AFG3L2: variants seen among roughly 807,000 people sequenced by gnomAD.
The protein encoded by AFG3L2 is AFG3 like matrix AAA peptidase subunit 2, also known as mitochondrial inner membrane m-AAA protease component AFG3L2.
Under a neutral mutation model 94.5 loss-of-function variants are expected in AFG3L2, and 54 were observed. The ratio of observed to expected loss-of-function variants is 0.57; its 90% CI spans 0.46 to 0.72. The LOEUF (loss-of-function observed/expected upper bound fraction) is 0.72, where lower values mean the gene tolerates loss of function less well. Among genes scored for constraint, AFG3L2 ranks in the 30% least tolerant of loss-of-function variants. AFG3L2 has a pLI of 0.00. For synonymous variants in AFG3L2, 377 were observed against 365.5 expected, an observed-to-expected ratio of 1.03 and a Z score of -0.36; for missense variants, 754 against 994.9, an observed-to-expected ratio of 0.76 and a Z score of 3.26.
intron 15 of AFG3L2, among the ~76,000 whole-genome samples, chr18:12,338,657 C>G (rs1907831912): frequency 6.6e-6 from 1 of 151,962 alleles, no homozygotes; most frequent in South Asian, 2.1e-4. Context: ...AAGAGAGCAG[C>G]AGAACAAATT....
chr18:12,357,974 TAAAATATGA>T (rs1045203210), intron 8 of AFG3L2, among the ~76,000 whole-genome samples: 19 of 151,648 alleles, frequency 1.3e-4, no homozygotes, highest in Admixed American at 1.1e-3. Flanking sequence ...TATAAATTCA[TAAAATATGA>T]CTTTTTATCT....
At chr18:12,371,729 A>G (rs377091717) in intron 1 of AFG3L2, 38 bp from the exon 2 acceptor site, 9 of 1,564,064 alleles carry the variant, frequency 5.8e-6, no homozygotes, top group Non-Finnish European at 7.9e-6. Context: ...TAGTTATATC[A>G]AGATAAAAAA....
At chr18:12,344,805 T>A (rs1402107866) in intron 13 of AFG3L2, among the ~76,000 whole-genome samples, 1 of 152,032 alleles carries the variant, frequency 6.6e-6, no homozygotes, top group Non-Finnish European at 1.5e-5. Context: ...CACTCCCCCA[T>A]CCCCAGGCCT....
At chr18:12,345,109 G>A (rs762578156) in intron 13 of AFG3L2, among the ~76,000 whole-genome samples, 63 of 152,238 alleles carry the variant, frequency 4.1e-4, no homozygotes, top group Admixed American at 1.2e-3. Flanking sequence ...GGTGGAGCCA[G>A]CCAGGCTGAT....
chr18:12,342,694 A>G (rs1294014039), intron 14 of AFG3L2: 1 of 152,098 alleles, frequency 6.6e-6, no homozygotes, highest in African/African-American at 2.4e-5. Context: ...TGTTTCAAAT[A>G]ATTTTTTGCA....
intron 16 of AFG3L2, among the ~76,000 whole-genome samples, chr18:12,332,945 A>ACTATATAATATATG (rs1555670075): frequency 8.9e-6 from 1 of 112,078 alleles, no homozygotes; most frequent in Non-Finnish European, 1.7e-5. Context: ...TATAACATAT[A>ACTATATAATATATG]ATATATTATA....
Position 12,329,412 on chromosome 18 carries a change from G to T in AFG3L2, c.*153C>A. Reference sequence around the variant, plus strand: ...GCCACCCACTGTGACCTCTGAGGCTGAAAGGACTAAGGACTCCTTTCCCCA... The same window carrying T: ...GCCACCCACTGTGACCTCTGAGGCTTAAAGGACTAAGGACTCCTTTCCCCA... On this transcript the variant is annotated 3_prime_UTR_variant, in exon 17 of 17. Coordinates refer to ENST00000269143, the MANE Select transcript of AFG3L2 (RefSeq NM_006796.3). 1 of 836,286 alleles carries T rather than the reference G, an allele frequency of 1.2e-6. No homozygotes were observed. The allele number at this position is 836,286 out of a possible 1,614,324, so 51.8% of individuals were successfully genotyped here.
At chr18:12,346,597 A>G (rs1435995257) in intron 13 of AFG3L2, among the ~76,000 whole-genome samples, 1 of 152,076 alleles carries the variant, frequency 6.6e-6, no homozygotes, top group Non-Finnish European at 1.5e-5. Context: ...AGCCAGATTC[A>G]TTCTCCTAAA....
chr18:12,359,072 G>A, intron 7 of AFG3L2, 129 bp from the exon 8 acceptor site: 1 of 1,342,580 alleles, frequency 7.4e-7, no homozygotes, highest in African/African-American at 1.5e-5. Context: ...ATACAAAGGA[G>A]GGTAACTTGC....
chr18:12,357,907 CTATTATAT>C (rs1168349101), intron 8 of AFG3L2, among the ~76,000 whole-genome samples: 1 of 152,074 alleles, frequency 6.6e-6, no homozygotes, highest in South Asian at 2.1e-4. Context: ...CCCTACACAA[CTATTATAT>C]TAAGTTGTAG....
chr18:12,336,877 A>C (rs1054426416), intron 16 of AFG3L2, among the ~76,000 whole-genome samples: 4 of 152,204 alleles, frequency 2.6e-5, no homozygotes, highest in Non-Finnish European at 4.4e-5. Context: ...TTTCTTGTGG[A>C]AGTTCATGAG....
chr18:12,349,067 C>T (rs1353987601), intron 12 of AFG3L2, among the ~76,000 whole-genome samples: 1 of 152,086 alleles, frequency 6.6e-6, no homozygotes, highest in Non-Finnish European at 1.5e-5. Flanking sequence ...TCAAACTGTT[C>T]TTTTTTTATT....
In AFG3L2 at chr18:12,332,146, C is replaced by CA. The variant is rs1489846159; in HGVS notation, c.2176-2364dup. On this transcript the variant is annotated intron_variant, in intron 16 of 16. Coordinates refer to ENST00000269143, the MANE Select transcript of AFG3L2 (RefSeq NM_006796.3). Reference sequence around the variant, plus strand: ...TGATTTTTTTTTTTTTTTTTTGAGACAGAGTCTTGTTCTGTCACCCAGGCT... The same window carrying CA: ...TGATTTTTTTTTTTTTTTTTTGAGACAAGAGTCTTGTTCTGTCACCCAGGCT... Among the ~76,000 whole-genome samples, 3 of 113,282 alleles carry CA rather than the reference C, an allele frequency of 2.6e-5. No homozygotes were observed. In the South Asian group the frequency reaches 8.7e-4, roughly 33 times the overall value. The allele number at this position is 113,282 out of a possible 152,430, so 74.3% of individuals were successfully genotyped here.
intron 9 of AFG3L2, among the ~76,000 whole-genome samples, chr18:12,355,747 C>T (rs1908474200): frequency 1.3e-5 from 2 of 151,662 alleles, no homozygotes; most frequent in Admixed American, 6.6e-5. Flanking sequence ...CAGCTCACTG[C>T]AAGCTCTGCC....
At chr18:12,337,767 C>T (rs1410204565) in intron 15 of AFG3L2, among the ~76,000 whole-genome samples, 1 of 152,088 alleles carries the variant, frequency 6.6e-6, no homozygotes, top group Non-Finnish European at 1.5e-5. Context: ...ATATTATTAC[C>T]TGATTTCTCT....
chr18:12,344,423 C>A lies in AFG3L2; in HGVS notation c.1664-176G>T, dbSNP rs1908058828. Reference sequence around the variant, plus strand: ...GGCGCAGTGGCTCATGCCTGTAATCCCAGCACTTTGGGAGGCTGAGGTGGT... The same window carrying A: ...GGCGCAGTGGCTCATGCCTGTAATCACAGCACTTTGGGAGGCTGAGGTGGT... On this transcript the variant is annotated intron_variant, in intron 13 of 16. Transcript: ENST00000269143. The A allele has an allele frequency of 6.5e-6, 4 of 618,758 alleles. No homozygotes were observed. The South Asian group carries it at 6.6e-5, about 10-fold the overall frequency. The allele number at this position is 618,758 out of a possible 1,614,324, so 38.3% of individuals were successfully genotyped here.
At position 12,329,186 on chromosome 18, in the gene AFG3L2, A is replaced by C. The variant is rs150224434; in HGVS notation, c.*379T>G. On this transcript the variant is annotated 3_prime_UTR_variant, in exon 17 of 17. Coordinates refer to ENST00000269143, the MANE Select transcript of AFG3L2 (RefSeq NM_006796.3). ...GAACTGAGGAGAAACAGGAATGAAGAGTGGGCGACAAAGAGAAAGCATCCC... is the reference window on the plus strand; with the variant it reads ...GAACTGAGGAGAAACAGGAATGAAGCGTGGGCGACAAAGAGAAAGCATCCC... 6 of 703,034 alleles carry C rather than the reference A, an allele frequency of 8.5e-6. No homozygotes were observed. The South Asian group carries it at 8.9e-5, about 10-fold the overall frequency. The allele number at this position is 703,034 out of a possible 1,614,324, so 43.5% of individuals were successfully genotyped here.
chr18:12,332,181 T>C (rs1233646595), intron 16 of AFG3L2, among the ~76,000 whole-genome samples: 2 of 142,156 alleles, frequency 1.4e-5, no homozygotes, highest in African/African-American at 5.2e-5. Flanking sequence ...TGGAGTACAA[T>C]GGCGCGATGT....
At chr18:12,371,798 G>A (rs1049806520) in intron 1 of AFG3L2, 107 bp from the exon 2 acceptor site, 3 of 916,684 alleles carry the variant, frequency 3.3e-6, no homozygotes, top group African/African-American at 3.3e-5. Flanking sequence ...TCTTCCACAG[G>A]TGGTTATGAA....
Sources: gnomAD v4.1 joint callset for allele counts (sites outside exome capture counted in the v4.1 genomes callset) on GRCh38, gnomAD v4.1.1 for gene constraint, MANE v1.5 for transcripts, NCBI Gene and HGNC (gene_info 2026-07-23, HGNC 2026-07-21) for gene names.